The following TSPAN12 variants were observed in gnomAD, a reference collection of about 807,000 sequenced individuals.
The protein encoded by TSPAN12 is tetraspanin 12.
TSPAN12 carries 19 observed loss-of-function variants against 39.2 expected under a neutral mutation model. The observed-to-expected ratio is 0.49, with a 90% CI of 0.34 to 0.71. The LOEUF is 0.71. Ranked by LOEUF, TSPAN12 falls within the 30% of genes least tolerant of loss-of-function variation. The pLI, the probability that TSPAN12 is intolerant of heterozygous loss-of-function variation, is 0.01. For missense variants in TSPAN12, 314 were observed against 359.9 expected, an observed-to-expected ratio of 0.87 and a Z score of 1.03; for synonymous variants, 119 against 124.8, an observed-to-expected ratio of 0.95 and a Z score of 0.31.
At chr7:120,817,100 G>C (rs182476368) in intron 4 of TSPAN12, among the ~76,000 whole-genome samples, 33 of 152,192 alleles carry the variant, frequency 2.2e-4, no homozygotes, top group African/African-American at 7.7e-4. Flanking sequence ...TTGGCTAAGC[G>C]TGGTGGCTCA....
intron 2 of TSPAN12, among the ~76,000 whole-genome samples, chr7:120,846,770 C>T (rs1406861711): frequency 6.6e-6 from 1 of 152,168 alleles, no homozygotes; most frequent in Non-Finnish European, 1.5e-5. Flanking sequence ...TGTAACAGAA[C>T]TGTAACAAGC....
rs530424474 is a variant in TSPAN12 at position 120,815,489 on chromosome 7, C to T, written c.360+240G>A. Among the ~76,000 whole-genome samples the T allele has an allele frequency of 5.3e-5, 7 of 131,696 alleles. No homozygotes were observed. The East Asian group carries it at 1.3e-3, about 25-fold the overall frequency. 86.4% of individuals were successfully genotyped at this position (131,696 alleles called of 152,430 possible). A position where few individuals can be genotyped will look rare whatever the true frequency, so the allele number is the denominator to read the frequency against. On this transcript the variant is annotated intron_variant, in intron 5 of 7. Transcript: ENST00000222747. ...GTTTTATAAGGGGCTCTTCCCCCTT[C>T]GATCAACACTTCTCCTTCCTCCCAC... is the stretch of plus-strand genomic sequence containing the variant.
intron 2 of TSPAN12, among the ~76,000 whole-genome samples, chr7:120,848,650 A>C (rs1450657180): frequency 6.6e-6 from 1 of 152,178 alleles, no homozygotes; most frequent in Non-Finnish European, 1.5e-5. Context: ...TTTTCACAGG[A>C]GTATACCCAA....
Position 120,834,579 on chromosome 7 carries a change from G to A in TSPAN12, c.285+4198C>T, listed in dbSNP as rs539597774. Among the ~76,000 whole-genome samples, 8 of 152,206 alleles carry A rather than the reference G, an allele frequency of 5.3e-5. No individual in the cohort carries two copies. The South Asian group carries it at 1.7e-3, about 32-fold the overall frequency. ...GAACAGCAAAACAGCCCAGTTGCCA[G>A]CTCTTTTTTATATATATATAATCAT... On this transcript the variant is annotated intron_variant, in intron 4 of 7. Coordinates refer to ENST00000222747, the MANE Select transcript of TSPAN12 (RefSeq NM_012338.4).
intron 4 of TSPAN12, among the ~76,000 whole-genome samples, chr7:120,833,424 AC>A (rs1361037548): frequency 1.3e-5 from 2 of 151,964 alleles, no homozygotes; most frequent in East Asian, 1.9e-4. Context: ...CAAAAAAAAA[AC>A]AAGGGGAAAT....
chr7:120,818,791 T>G (rs1032049700), intron 4 of TSPAN12, among the ~76,000 whole-genome samples: 1 of 152,098 alleles, frequency 6.6e-6, no homozygotes, highest in African/African-American at 2.4e-5. Flanking sequence ...ATGGTCAGCT[T>G]TAATATACTC....
At chr7:120,821,462 A>G (rs971175211) in intron 4 of TSPAN12, among the ~76,000 whole-genome samples, 12 of 151,940 alleles carry the variant, frequency 7.9e-5, no homozygotes, top group Non-Finnish European at 1.3e-4. Flanking sequence ...ATGGAAGAAC[A>G]TAGGCTTTGA....
chr7:120,796,598 GA>G (rs564580437), intron 7 of TSPAN12, among the ~76,000 whole-genome samples: 1 of 151,984 alleles, frequency 6.6e-6, no homozygotes, highest in Non-Finnish European at 1.5e-5. Flanking sequence ...GGATGTAGAA[GA>G]AAAAAATCTC....
rs1305766758 is a variant in TSPAN12 at position 120,788,305 on chromosome 7, A to T, written c.*287T>A. 2.3e-6 allele frequency: 1 copy of T among 429,432 alleles called. No individual in the cohort carries two copies. The highest frequency in any genetic ancestry group is 4.3e-6 in the Non-Finnish European group (1 of 233,572). The allele number at this position is 429,432 out of a possible 1,614,324, so 26.6% of individuals were successfully genotyped here. Reference sequence around the variant, plus strand: ...GCATGGATGCGGAAATGCTAATCAAACCATGCTGCCTCAAAACATAACTGT... The same window carrying T: ...GCATGGATGCGGAAATGCTAATCAATCCATGCTGCCTCAAAACATAACTGT... On this transcript the variant is annotated 3_prime_UTR_variant, in exon 8 of 8. Transcript: ENST00000222747.
intron 5 of TSPAN12, among the ~76,000 whole-genome samples, chr7:120,814,610 G>C (rs1794045224): frequency 6.6e-6 from 1 of 152,190 alleles, no homozygotes; most frequent in Non-Finnish European, 1.5e-5. Flanking sequence ...AGCAGTAAAT[G>C]CACTAATTTC....
intron 7 of TSPAN12, among the ~76,000 whole-genome samples, chr7:120,796,812 C>G (rs1793640774): frequency 6.6e-6 from 1 of 152,042 alleles, no homozygotes; most frequent in Admixed American, 6.6e-5. Context: ...ACCCACTCAC[C>G]CACCCAGTCT....
Position 120,788,414 on chromosome 7 carries a change from G to T in TSPAN12, c.*178C>A. 1.4e-6 allele frequency: 1 copy of T among 703,078 alleles called. No individual in the cohort carries two copies. The highest frequency in any genetic ancestry group is 2.4e-6 in the Non-Finnish European group (1 of 424,610). 43.6% of individuals were successfully genotyped at this position (703,078 alleles called of 1,614,324 possible). A position where few individuals can be genotyped will look rare whatever the true frequency, so the allele number is the denominator to read the frequency against. On this transcript the variant is annotated 3_prime_UTR_variant, in exon 8 of 8. Transcript: ENST00000222747. ...TAAGGGCATCAATTATTGTCCAGGTGGTGACTTATGACATGAAACTTTTCC... is the reference window on the plus strand; with the variant it reads ...TAAGGGCATCAATTATTGTCCAGGTTGTGACTTATGACATGAAACTTTTCC...
At chr7:120,802,886 G>A (rs767529434) in intron 7 of TSPAN12, among the ~76,000 whole-genome samples, 17 of 152,244 alleles carry the variant, frequency 1.1e-4, no homozygotes, top group Admixed American at 2.0e-4. Context: ...TTCCAAATGC[G>A]TCATAAAATA....
chr7:120,810,211 A>C (rs777962355), intron 6 of TSPAN12, among the ~76,000 whole-genome samples: 12 of 152,236 alleles, frequency 7.9e-5, no homozygotes, highest in Admixed American at 6.5e-4. Context: ...ATAATTTAGC[A>C]AAATGGCTTT....
At position 120,803,257 on chromosome 7, in the gene TSPAN12, G is replaced by A. The variant is rs1013435027; in HGVS notation, c.612+3292C>T. 3.3e-5 allele frequency among the ~76,000 whole-genome samples: 5 copies of A among 152,124 alleles called. No homozygotes were observed. In the South Asian group the frequency reaches 8.3e-4, roughly 25 times the overall value. ...AACTTCTGGCCCTTGGAGCAACAACGTGTAAGTCTAGTTCCTGTTCTGAAT... is the reference window on the plus strand; with the variant it reads ...AACTTCTGGCCCTTGGAGCAACAACATGTAAGTCTAGTTCCTGTTCTGAAT... On this transcript the variant is annotated intron_variant, in intron 7 of 7. Coordinates refer to ENST00000222747, the MANE Select transcript of TSPAN12 (RefSeq NM_012338.4).
At chr7:120,823,226 C>T (rs1040730177) in intron 4 of TSPAN12, among the ~76,000 whole-genome samples, 8 of 151,844 alleles carry the variant, frequency 5.3e-5, no homozygotes, top group Non-Finnish European at 1.0e-4. Context: ...AGGGATATCC[C>T]ATGATATCCT....
In TSPAN12 at chr7:120,787,864, A is replaced by T. The variant is rs1428795406; in HGVS notation, c.*728T>A. On this transcript the variant is annotated 3_prime_UTR_variant, in exon 8 of 8. Coordinates refer to ENST00000222747, the MANE Select transcript of TSPAN12 (RefSeq NM_012338.4). ...GTGTAATATAAGCCCAGGACAGAAT[A>T]GTAAAGCTTTATTAACAGGAAAGGC... 2 of 152,742 alleles carry T rather than the reference A, an allele frequency of 1.3e-5. No homozygotes were observed. The highest frequency in any genetic ancestry group is 4.8e-5 in the African/African-American group (2 of 41,474). The allele number at this position is 152,742 out of a possible 1,614,324, so 9.5% of individuals were successfully genotyped here.
chr7:120,850,402 T>A (rs1286256011), intron 2 of TSPAN12, among the ~76,000 whole-genome samples: 2 of 152,180 alleles, frequency 1.3e-5, no homozygotes, highest in African/African-American at 4.8e-5. Context: ...CACCCTAAAG[T>A]CACTATAAGT....
intron 2 of TSPAN12, among the ~76,000 whole-genome samples, chr7:120,845,497 A>G (rs76784797): frequency 0.021 from 3,188 of 152,320 alleles, 110 homozygotes; most frequent in African/African-American, 0.072. Flanking sequence ...ATATATGACC[A>G]TACATTTTAG....
Sources: gnomAD v4.1 joint callset for allele counts (sites outside exome capture counted in the v4.1 genomes callset) on GRCh38, gnomAD v4.1.1 for gene constraint, MANE v1.5 for transcripts, NCBI Gene and HGNC (gene_info 2026-07-23, HGNC 2026-07-21) for gene names.